CASKIN1: variants seen among roughly 807,000 people sequenced by gnomAD.
The protein encoded by CASKIN1 is CASK interacting protein 1.
A neutral mutation model predicts 117.5 loss-of-function variants in CASKIN1; 42 were observed. The observed-to-expected ratio is 0.36, with a 90% CI of 0.28 to 0.46. The LOEUF is 0.46. Among genes scored for constraint, CASKIN1 ranks in the 20% least tolerant of loss-of-function variants. The pLI is 1.00. For synonymous variants in CASKIN1, 1,148 were observed against 961.7 expected (o/e 1.19, Z -3.59); for missense variants, 2,083 against 2,077.3 (o/e 1.00, Z -0.05).
Position 2,179,686 on chromosome 16 carries a change from G to C in CASKIN1, c.3682C>G (p.Pro1228Ala), listed in dbSNP as rs1438766439. 7 of 1,527,848 alleles carry C rather than the reference G, an allele frequency of 4.6e-6. No individual in the cohort carries two copies. In the South Asian group the frequency reaches 9.0e-5, roughly 20 times the overall value. 94.6% of individuals were successfully genotyped at this position (1,527,848 alleles called of 1,614,324 possible). The stretch of plus-strand genomic sequence containing the variant: ...ACAGGCTGCGTCAGGACGGGCTTGG[G>C]AGAGACAGGCGGCTTGGCCGGCTTC... ...ARKPAKPPVS[P>A]KPVLTQPVPK... The change falls in exon 18 of 20, where the codon CCC (proline) becomes GCC (alanine). Residue 1228 changes from proline to alanine, a missense_variant. By Grantham distance (27) the Pro-to-Ala change is conservative (BLOSUM62 -1). Around this residue, in one of 3 missense-constraint regions of CASKIN1, gnomAD observed 1,818 missense variants for 1,688.9 expected, o/e 1.08. Coordinates refer to ENST00000343516, the MANE Select transcript of CASKIN1 (RefSeq NM_020764.4). This position sits in a 1 kb window ranked among gnomAD's most constrained non-coding sequence, Gnocchi z 5.8.
Position 2,179,468 on chromosome 16 carries a change from T to G in CASKIN1, c.3775+125A>C. The G allele has an allele frequency of 7.2e-7, 1 of 1,393,428 alleles. No individual in the cohort carries two copies. The highest frequency in any genetic ancestry group is 9.3e-7 in the Non-Finnish European group (1 of 1,076,756). The allele number at this position is 1,393,428 out of a possible 1,614,324, so 86.3% of individuals were successfully genotyped here. Reference sequence around the variant, plus strand: ...CCAGCCCTGGATGGATGAGAGGGTCTGGGGACACGTTCCCACCCCACCTGG... The same window carrying G: ...CCAGCCCTGGATGGATGAGAGGGTCGGGGGACACGTTCCCACCCCACCTGG... On this transcript the variant is annotated intron_variant, in intron 18 of 19. Transcript: ENST00000343516. The surrounding 1 kb of genome is among the most constrained non-coding windows in gnomAD (Gnocchi z 5.8).
In CASKIN1 at chr16:2,183,716, C is replaced by T. The variant is rs865895755; in HGVS notation, c.1559G>A (p.Gly520Asp). Residue 520 changes from glycine to aspartate, a missense_variant, in exon 16 of 20, where the codon GGC becomes GAC. This residue lies in a region of CASKIN1 where 1,818 missense variants were observed against 1,688.9 expected (regional missense o/e 1.08). Coordinates refer to ENST00000343516, the MANE Select transcript of CASKIN1 (RefSeq NM_020764.4). ...DLTAIGVTKP[G>D]HRKKIAAEIS... is the part of the protein sequence containing the mutation. ...CTCTGCCGCGATCTTCTTCCGGTGG[C>T]CCGGCTTGGTGACACCAATGGCCGT... The T allele has an allele frequency of 1.2e-6, 2 of 1,613,248 alleles. No homozygotes were observed. The highest frequency in any genetic ancestry group is 1.3e-5 in the African/African-American group (1 of 74,940).
chr16:2,189,853 C>T (rs1034525791), intron 3 of CASKIN1, among the ~76,000 whole-genome samples: 3 of 151,872 alleles, frequency 2.0e-5, no homozygotes, highest in Admixed American at 2.0e-4. Context: ...GAGCTGACCC[C>T]TGACCCCAAG....
chr16:2,178,994 G>T lies in CASKIN1; in HGVS notation c.4107C>A (p.Ala1369=). ...CGCTTGTCTCCTCCAGTTTCTGCCG[G>T]GCGCTGTCCCCTGGCGAGGCGCCTT... The part of the protein sequence containing the change: ...PPEGASPGDS[A]RQKLEETSAC... Residue 1369 remains alanine, a synonymous_variant, in exon 19 of 20, where the codon GCC becomes GCA. Coordinates refer to ENST00000343516, the MANE Select transcript of CASKIN1 (RefSeq NM_020764.4). 1 of 1,338,520 alleles carries T rather than the reference G, an allele frequency of 7.5e-7. No homozygotes were observed. Among genetic ancestry groups the T allele is most frequent in the Non-Finnish European group, 9.6e-7 (1 of 1,044,364 alleles). The allele number at this position is 1,338,520 out of a possible 1,614,324, so 82.9% of individuals were successfully genotyped here.
At chr16:2,185,265 G>A in intron 11 of CASKIN1, 42 bp downstream of exon 11, 1 of 1,598,438 alleles carries the variant, frequency 6.3e-7, no homozygotes, top group Non-Finnish European at 8.6e-7. Flanking sequence ...GTGGTGCCTT[G>A]TGGAAGTCCT....
In CASKIN1 at chr16:2,181,221, C is replaced by T. The variant is rs753095859; in HGVS notation, c.2147G>A (p.Gly716Glu). 12 of 1,590,446 alleles carry T rather than the reference C, an allele frequency of 7.5e-6. No individual in the cohort carries two copies. Among genetic ancestry groups the T allele is most frequent in the Non-Finnish European group, 1.0e-5 (12 of 1,175,872 alleles). The change falls in exon 18 of 20, where the codon GGG becomes GAG. Residue 716 changes from glycine (G) to glutamate (E), a missense_variant. By Grantham distance (98) the Gly-to-Glu change is moderately conservative. Around this residue, in one of 3 missense-constraint regions of CASKIN1, gnomAD observed 1,818 missense variants for 1,688.9 expected, o/e 1.08. Coordinates refer to ENST00000343516, the MANE Select transcript of CASKIN1 (RefSeq NM_020764.4). ...GCTTCGAGACATGGGGCTGCTGGGCCCAGGGGGCCCATCTCCCAGCAGCTC... is the reference window on the plus strand; with the variant it reads ...GCTTCGAGACATGGGGCTGCTGGGCTCAGGGGGCCCATCTCCCAGCAGCTC... Reference protein sequence around the residue: ...SQELLGDGPPGPSSPMSRSQE... With the variant: ...SQELLGDGPPEPSSPMSRSQE...
chr16:2,193,180 G>C, intron 1 of CASKIN1, among the ~76,000 whole-genome samples: 1 of 152,056 alleles, frequency 6.6e-6, no homozygotes, highest in East Asian at 1.9e-4. Flanking sequence ...ACCACTCCTG[G>C]CTAATTTTGT....
intron 1 of CASKIN1, among the ~76,000 whole-genome samples, chr16:2,193,021 C>CT (rs1015055976): frequency 2.9e-4 from 44 of 151,768 alleles, no homozygotes; most frequent in South Asian, 6.2e-4. Flanking sequence ...AATTCTTTTT[C>CT]TTTTTTTTTA....
chr16:2,187,398 C>T lies in CASKIN1; in HGVS notation c.681G>A (p.Glu227=), dbSNP rs753401042. The T allele has an allele frequency of 3.1e-6, 5 of 1,611,882 alleles. No homozygotes were observed. The South Asian group carries it at 5.5e-5, about 18-fold the overall frequency. ...CCTCTGTCTTTCCGCAGAGCGCAGC[C>T]TCGTGCAGGGCCGTGCCGGACTTGG... ...RQTKSGTALH[E]AALCGKTEVV... Residue 227 remains glutamate, a synonymous_variant, in exon 7 of 20, where the codon GAG becomes GAA. Transcript: ENST00000343516.
At chr16:2,184,725 C>T in intron 14 of CASKIN1, 52 bp downstream of exon 14, 21 of 1,422,470 alleles carry the variant, frequency 1.5e-5, no homozygotes, top group Non-Finnish European at 1.9e-5. Flanking sequence ...AGCCCATCGG[C>T]CTTACAGCCT....
At position 2,187,163 on chromosome 16, in the gene CASKIN1, C is replaced by T; in HGVS notation, c.835+3G>A. ...ACTGCCCCTCTGCCCTGCCTGGGCCCACCTCGCAACAGCTGCTTGATCTCC... is the reference window on the plus strand; with the variant it reads ...ACTGCCCCTCTGCCCTGCCTGGGCCTACCTCGCAACAGCTGCTTGATCTCC... On this transcript the variant is annotated splice_donor_region_variant and intron_variant, in intron 8 of 19. Coordinates refer to ENST00000343516, the MANE Select transcript of CASKIN1 (RefSeq NM_020764.4). 2 of 1,613,852 alleles carry T rather than the reference C, an allele frequency of 1.2e-6. No homozygotes were observed. The highest frequency in any genetic ancestry group is 1.7e-6 in the Non-Finnish European group (2 of 1,179,916).
chr16:2,180,817 G>T lies in CASKIN1; in HGVS notation c.2551C>A (p.Pro851Thr). ...EGEVGPAAPG[P>T]APPPVPTAVP... ...GCCGTCGGCACGGGTGGGGGCGCAG[G>T]CCCCGGGGCAGCCGGCCCCACCTCG... The change falls in exon 18 of 20, where the codon CCT (proline) becomes ACT (threonine). Residue 851 changes from proline to threonine, a missense_variant. By Grantham distance (38) the Pro-to-Thr change is conservative. Transcript: ENST00000343516. The T allele has an allele frequency of 7.2e-7, 1 of 1,390,614 alleles. No homozygotes were observed. 86.1% of individuals were successfully genotyped at this position (1,390,614 alleles called of 1,614,324 possible). A position where few individuals can be genotyped will look rare whatever the true frequency, so the allele number is the denominator to read the frequency against.
At chr16:2,194,781 C>T (rs933765905) in intron 1 of CASKIN1, among the ~76,000 whole-genome samples, 2 of 152,154 alleles carry the variant, frequency 1.3e-5, no homozygotes, top group African/African-American at 4.8e-5. Context: ...GCCCCCACAC[C>T]TCCCCAGAAT....
In CASKIN1 at chr16:2,183,926, T is replaced by C; in HGVS notation, c.1432A>G (p.Ser478Gly). Residue 478 changes from serine (S) to glycine (G), a missense_variant, in exon 15 of 20, where the codon AGC (serine) becomes GGC (glycine). This residue lies in a region of CASKIN1 where 1,818 missense variants were observed against 1,688.9 expected (regional missense o/e 1.08). Coordinates refer to ENST00000343516, the MANE Select transcript of CASKIN1 (RefSeq NM_020764.4). ...AGCTGGAACGCGGTGAGCCACTGGC[T>C]CACGGCCTCAGAGCTCTGGAAGACA... ...ASEGKSSEAV[S>G]QWLTAFQLQL... 1 of 1,604,942 alleles carries C rather than the reference T, an allele frequency of 6.2e-7. No homozygotes were observed. The highest frequency in any genetic ancestry group is 8.5e-7 in the Non-Finnish European group (1 of 1,177,664).
chr16:2,189,175 G>C lies in CASKIN1; in HGVS notation c.487-18C>G. 1 of 1,612,660 alleles carries C rather than the reference G, an allele frequency of 6.2e-7. No homozygotes were observed. The highest frequency in any genetic ancestry group is 8.5e-7 in the Non-Finnish European group (1 of 1,179,664). On this transcript the variant is annotated intron_variant, in intron 5 of 19. Transcript: ENST00000343516. ...TGGACCACCTTGAAGGAGGGGTCAG[G>C]GTAGGGGGGTCCTGATGTGGGGCTC... is the stretch of plus-strand genomic sequence containing the variant.
At chr16:2,184,306 G>A (rs1401690291) in intron 14 of CASKIN1, among the ~76,000 whole-genome samples, 2 of 152,134 alleles carry the variant, frequency 1.3e-5, no homozygotes, top group Non-Finnish European at 2.9e-5. Context: ...AGGGGGCTCT[G>A]GGAAAGGGGC....
chr16:2,183,385 G>A (rs1357262421), intron 16 of CASKIN1, among the ~76,000 whole-genome samples: 1 of 152,198 alleles, frequency 6.6e-6, no homozygotes, highest in African/African-American at 2.4e-5. Context: ...GAGTCCTGGT[G>A]AGAGCATGGA....
intron 9 of CASKIN1, 49 bp from the exon 10 acceptor site, chr16:2,186,873 G>A: frequency 1.2e-6 from 2 of 1,605,916 alleles, no homozygotes; most frequent in Non-Finnish European, 1.7e-6. Context: ...CTTTCGCAGA[G>A]TCTCCTGCCC....
At position 2,181,807 on chromosome 16, in the gene CASKIN1, G is replaced by A. The variant is rs372758880; in HGVS notation, c.1752C>T (p.Ile584=). ...GGGCCTCACCCAGCTTGGTGATGCC[G>A]ATCTCCTGCAGGTCCTCCCAGGTGA... is the stretch of plus-strand genomic sequence containing the variant. The part of the protein sequence containing the change: ...TDITWEDLQE[I]GITKLGHQKK... Residue 584 remains isoleucine, a synonymous_variant, in exon 17 of 20, where the codon ATC becomes ATT. Coordinates refer to ENST00000343516, the MANE Select transcript of CASKIN1 (RefSeq NM_020764.4). 278 of 1,613,330 alleles carry A rather than the reference G, an allele frequency of 1.7e-4. 1 individual carries two copies. Among genetic ancestry groups the A allele is most frequent in the South Asian group, 1.7e-3 (151 of 91,080 alleles).
Sources: gnomAD v4.1 joint callset for allele counts (sites outside exome capture counted in the v4.1 genomes callset) on GRCh38, gnomAD v4.1.1 for gene constraint, gnomAD v4.1.1 regional missense constraint, Gnocchi (gnomAD v3.1) non-coding constraint, MANE v1.5 for transcripts, NCBI Gene and HGNC (gene_info 2026-07-23, HGNC 2026-07-21) for gene names.